FKBP5: variants seen among roughly 807,000 people sequenced by gnomAD.
FKBP5 encodes the protein FKBP prolyl isomerase 5, also known as peptidyl-prolyl cis-trans isomerase FKBP5.
Under a neutral mutation model 50.5 loss-of-function variants are expected in FKBP5, and 23 were observed. The ratio of observed to expected loss-of-function variants is 0.46; its 90% CI spans 0.33 to 0.65. The LOEUF (loss-of-function observed/expected upper bound fraction) is 0.65. FKBP5 is among the 30% of genes least tolerant of loss of function. FKBP5 has a pLI of 0.02. For missense variants in FKBP5, 411 were observed against 553.1 expected (o/e 0.74, Z 2.58); for synonymous variants, 176 against 190.6 (o/e 0.92, Z 0.63).
At chr6:35,626,484 A>C (rs947122947) in intron 3 of FKBP5, among the ~76,000 whole-genome samples, 1 of 152,322 alleles carries the variant, frequency 6.6e-6, no homozygotes, top group South Asian at 2.1e-4. Context: ...TTTAAAAAAA[A>C]CGCTTAATTG....
At chr6:35,596,042 A>G (rs536010535) in intron 6 of FKBP5, among the ~76,000 whole-genome samples, 49 of 152,164 alleles carry the variant, frequency 3.2e-4, no homozygotes, top group African/African-American at 1.2e-3. Flanking sequence ...TGGTAGTTGC[A>G]TGGCTAGATC....
chr6:35,701,223 G>GTTTGTTTT (rs1554139012), intron 2 of FKBP5, among the ~76,000 whole-genome samples: 5 of 148,224 alleles, frequency 3.4e-5, no homozygotes, highest in South Asian at 2.1e-4. Context: ...TTGTTTGTTT[G>GTTTGTTTT]TTTGTTTTTG....
intron 5 of FKBP5, among the ~76,000 whole-genome samples, chr6:35,599,106 CTACTT>C (rs57449934): frequency 0.84 from 127,849 of 151,638 alleles, 54,048 homozygotes; most frequent in African/African-American, 0.89. Context: ...ACTGGCTGAT[CTACTT>C]TACTTTAGAT....
At position 35,581,065 on chromosome 6, in the gene FKBP5, G is replaced by A. The variant is rs546437790; in HGVS notation, c.841-844C>T. 9.3e-6 allele frequency: 9 copies of A among 963,558 alleles called. No homozygotes were observed. In the African/African-American group the frequency reaches 1.1e-4, roughly 11 times the overall value. The allele number at this position is 963,558 out of a possible 1,614,324, so 59.7% of individuals were successfully genotyped here. Reference sequence around the variant, plus strand: ...CTCTAGACAGTATGTAAATCAATGGGTGCAGCTGTGTTTCAGTTAAACTGT... The same window carrying A: ...CTCTAGACAGTATGTAAATCAATGGATGCAGCTGTGTTTCAGTTAAACTGT... On this transcript the variant is annotated intron_variant, in intron 8 of 10. Coordinates refer to ENST00000357266, the MANE Select transcript of FKBP5 (RefSeq NM_004117.4).
chr6:35,649,576 C>G (rs1169667174), intron 1 of FKBP5, among the ~76,000 whole-genome samples: 1 of 151,890 alleles, frequency 6.6e-6, no homozygotes, highest in Non-Finnish European at 1.5e-5. Context: ...AGAAAGGTAG[C>G]TTATTGTAAA....
In FKBP5 at chr6:35,679,817, G is replaced by C. The variant is rs185290009; in HGVS notation, c.-20+8987C>G. 8.3e-3 allele frequency among the ~76,000 whole-genome samples: 1,266 copies of C among 152,126 alleles called. 8 individuals carry two copies. The highest frequency in any genetic ancestry group is 0.02 in the Middle Eastern group (6 of 294). On this transcript the variant is annotated intron_variant, in intron 1 of 10. Transcript: ENST00000357266. ...AAAAACTACATATTGGGTAAAATGT[G>C]TATTACTCAGGTAACAGATGCACTA...
At chr6:35,614,862 T>A (rs2150974404) in intron 5 of FKBP5, among the ~76,000 whole-genome samples, 1 of 152,146 alleles carries the variant, frequency 6.6e-6, no homozygotes, top group East Asian at 1.9e-4. Context: ...CGGTGGCTCA[T>A]TCCTGTAATT....
intron 5 of FKBP5, among the ~76,000 whole-genome samples, chr6:35,617,680 C>T (rs1166026234): frequency 6.6e-6 from 1 of 152,176 alleles, no homozygotes; most frequent in African/African-American, 2.4e-5. Flanking sequence ...TTACTGAACA[C>T]CAAATGTGTG....
chr6:35,629,400 C>T (rs1372104311), intron 3 of FKBP5, among the ~76,000 whole-genome samples: 1 of 152,206 alleles, frequency 6.6e-6, no homozygotes, highest in Non-Finnish European at 1.5e-5. Flanking sequence ...ATGTTTAAGA[C>T]TCTTTTAAAG....
chr6:35,576,094 ATAGT>A (rs1160892112), intron 10 of FKBP5, 152 bp from the exon 11 acceptor site: 3 of 653,790 alleles, frequency 4.6e-6, no homozygotes, highest in South Asian at 1.7e-5. Context: ...TGTGCTACCA[ATAGT>A]TAGAGTGGGA....
rs1274927932 is a variant in FKBP5 at position 35,586,312 on chromosome 6, A to G, written c.840+722T>C. On this transcript the variant is annotated intron_variant, in intron 8 of 10. Transcript: ENST00000357266. The stretch of plus-strand genomic sequence containing the variant: ...GGTTTCTGAGAAGCAATTTATGATG[A>G]ATATCATTCAGGAATATCCGGAGAT... 4.1e-6 allele frequency: 4 copies of G among 985,148 alleles called. No individual in the cohort carries two copies. In the African/African-American group the frequency reaches 7.0e-5, roughly 17 times the overall value. The allele number at this position is 985,148 out of a possible 1,614,324, so 61.0% of individuals were successfully genotyped here. A position where few individuals can be genotyped will look rare whatever the true frequency, so the allele number is the denominator to read the frequency against.
At chr6:35,645,297 C>T (rs190610947) in intron 1 of FKBP5, among the ~76,000 whole-genome samples, 219 of 152,286 alleles carry the variant, frequency 1.4e-3, no homozygotes, top group African/African-American at 4.8e-3. Context: ...AAAAAGGTGG[C>T]GTGCACCTGT....
chr6:35,726,799 C>T (rs1766722788), intron 1 of FKBP5, among the ~76,000 whole-genome samples: 2 of 152,132 alleles, frequency 1.3e-5, no homozygotes, highest in African/African-American at 4.8e-5. Flanking sequence ...AACATGAACT[C>T]CGGTGCCAAG....
rs924555744 is a variant in FKBP5, at chr6:35,589,837, G to C, written c.756+1293C>G. Among the ~76,000 whole-genome samples, 3 of 152,194 alleles carry C rather than the reference G, an allele frequency of 2.0e-5. No homozygotes were observed. In the East Asian group the frequency reaches 5.8e-4, roughly 29 times the overall value. ...GTCATAACCAGACATATGTTTGTTT[G>C]GGGGAACATGAAGTAGAAGAGGTAT... is the stretch of plus-strand genomic sequence containing the variant. On this transcript the variant is annotated intron_variant, in intron 7 of 10. Transcript: ENST00000357266.
intron 1 of FKBP5, among the ~76,000 whole-genome samples, chr6:35,668,372 A>G (rs1228965804): frequency 1.3e-5 from 2 of 152,234 alleles, no homozygotes; most frequent in East Asian, 1.9e-4. Flanking sequence ...TTTGGCTACC[A>G]CAACAGTTCA....
chr6:35,588,719 G>A (rs1326088421), intron 7 of FKBP5, among the ~76,000 whole-genome samples: 1 of 151,484 alleles, frequency 6.6e-6, no homozygotes, highest in Non-Finnish European at 1.5e-5. Context: ...TCCTGCCTCA[G>A]CCTCCCGAGT....
At chr6:35,639,453 T>C (rs542057442) in intron 2 of FKBP5, among the ~76,000 whole-genome samples, 1 of 152,264 alleles carries the variant, frequency 6.6e-6, no homozygotes, top group East Asian at 1.9e-4. Context: ...TTAGATTTAC[T>C]CCCTAGAACA....
intron 8 of FKBP5, chr6:35,580,955 G>A: frequency 1.0e-6 from 1 of 985,318 alleles, no homozygotes; most frequent in Non-Finnish European, 1.2e-6. Flanking sequence ...ATTCTGGCAA[G>A]TGCTAGTTCC....
At chr6:35,724,481 TCTC>T (rs1200264502) in intron 1 of FKBP5, among the ~76,000 whole-genome samples, 1 of 152,160 alleles carries the variant, frequency 6.6e-6, no homozygotes, top group Admixed American at 6.5e-5. Context: ...GAGGCAGAGT[TCTC>T]CTTCATTTGA....
Sources: gnomAD v4.1 joint callset for allele counts (sites outside exome capture counted in the v4.1 genomes callset) on GRCh38, gnomAD v4.1.1 for gene constraint, MANE v1.5 for transcripts, NCBI Gene and HGNC (gene_info 2026-07-23, HGNC 2026-07-21) for gene names.